Variants in CWF19L2 observed in about 807,000 individuals in gnomAD.
CWF19L2 encodes the protein CWF19 like cell cycle control factor 2, also known as CWF19-like protein 2.
In CWF19L2, 98 loss-of-function variants were observed where a neutral mutation model predicts 111.7. The observed-to-expected ratio is 0.88, with a 90% confidence interval of 0.75 to 1.04. The LOEUF is 1.04. Among genes scored for constraint, CWF19L2 ranks in the 50% least tolerant of loss-of-function variants. The pLI, the probability that CWF19L2 is intolerant of heterozygous loss-of-function variation, is 0.00. For synonymous variants in CWF19L2, 351 were observed against 342.9 expected (o/e 1.02, Z -0.26); for missense variants, 1,101 against 1,051.4 (o/e 1.05, Z -0.65).
chr11:107,369,201 A>G (rs1338987493), intron 12 of CWF19L2, among the ~76,000 whole-genome samples: 2 of 137,722 alleles, frequency 1.5e-5, no homozygotes, highest in African/African-American at 5.8e-5. Context: ...TGCTCTCTAT[A>G]AAGTCTGTTG....
chr11:107,332,397 G>A (rs1565240997), intron 16 of CWF19L2, among the ~76,000 whole-genome samples: 1 of 151,848 alleles, frequency 6.6e-6, no homozygotes, highest in Non-Finnish European at 1.5e-5. Context: ...ACATTACACT[G>A]AAAAGAAAGC....
chr11:107,422,931 G>T (rs959455668), intron 8 of CWF19L2, among the ~76,000 whole-genome samples: 5 of 152,054 alleles, frequency 3.3e-5, no homozygotes, highest in Admixed American at 2.6e-4. Context: ...ATACTCTGGT[G>T]TTTAAGAAAT....
chr11:107,412,149 T>C (rs950316300), intron 10 of CWF19L2, among the ~76,000 whole-genome samples: 1 of 152,158 alleles, frequency 6.6e-6, no homozygotes, highest in Non-Finnish European at 1.5e-5. Flanking sequence ...TTAGAACCTT[T>C]AATAAAAGTG....
chr11:107,360,964 T>G (rs1860321842), intron 12 of CWF19L2, among the ~76,000 whole-genome samples: 1 of 152,232 alleles, frequency 6.6e-6, no homozygotes, highest in Non-Finnish European at 1.5e-5. Flanking sequence ...TTTAATTAAC[T>G]GTCATTTGTC....
chr11:107,427,444 T>C (rs961595171), intron 8 of CWF19L2, among the ~76,000 whole-genome samples: 3 of 152,100 alleles, frequency 2.0e-5, no homozygotes, highest in Admixed American at 6.6e-5. Flanking sequence ...TACACAGCTT[T>C]TAGTGAGTGC....
chr11:107,404,058 G>T (rs1359111101), intron 10 of CWF19L2: 1 of 770,074 alleles, frequency 1.3e-6, no homozygotes, highest in Non-Finnish European at 2.4e-6. Flanking sequence ...ATAATCATCT[G>T]GATCTTCAGC....
intron 12 of CWF19L2, among the ~76,000 whole-genome samples, chr11:107,356,644 A>C (rs1322529897): frequency 1.3e-5 from 2 of 152,346 alleles, no homozygotes; most frequent in South Asian, 2.1e-4. Flanking sequence ...ACTGGTCACT[A>C]ATCATTTTCA....
chr11:107,442,886 A>AAGGAAGGT (rs2135422634), intron 4 of CWF19L2, 53 bp downstream of exon 4: 1 of 1,021,310 alleles, frequency 9.8e-7, no homozygotes, highest in African/African-American at 1.6e-5. Context: ...GGGAGGGAGG[A>AAGGAAGGT]AGGAAGGAAG....
At chr11:107,330,066 A>G in intron 16 of CWF19L2, 47 bp from the exon 17 acceptor site, 2 of 1,206,628 alleles carry the variant, frequency 1.7e-6, no homozygotes, top group Admixed American at 2.7e-5. Context: ...TGAAACCAGA[A>G]AGTTATGTTT....
intron 14 of CWF19L2, among the ~76,000 whole-genome samples, chr11:107,348,532 T>C (rs950105474): frequency 1.3e-5 from 2 of 152,110 alleles, no homozygotes; most frequent in African/African-American, 4.8e-5. Context: ...CACAGGAAAA[T>C]ACGGCAACCG....
chr11:107,329,710 G>T (rs752791226), intron 17 of CWF19L2, among the ~76,000 whole-genome samples: 4 of 152,114 alleles, frequency 2.6e-5, no homozygotes, highest in African/African-American at 9.7e-5. Context: ...GTCAAGAAAT[G>T]TTTGGTTCCA....
At chr11:107,432,434 T>G (rs1861477630) in intron 7 of CWF19L2, among the ~76,000 whole-genome samples, 1 of 151,936 alleles carries the variant, frequency 6.6e-6, no homozygotes, top group African/African-American at 2.4e-5. Context: ...AATACAAAAA[T>G]TAGCCAGGCG....
chr11:107,412,490 ACCACCAT>A (rs1489290795), intron 10 of CWF19L2, among the ~76,000 whole-genome samples: 1 of 152,050 alleles, frequency 6.6e-6, no homozygotes, highest in Non-Finnish European at 1.5e-5. Flanking sequence ...ACAGGTGCCC[ACCACCAT>A]GCCCAGCTAA....
At chr11:107,435,798 A>T (rs1054467693) in intron 6 of CWF19L2, among the ~76,000 whole-genome samples, 3 of 151,638 alleles carry the variant, frequency 2.0e-5, no homozygotes, top group Non-Finnish European at 1.5e-5. Flanking sequence ...AAAATTCAAT[A>T]AAAAAAAATT....
intron 12 of CWF19L2, among the ~76,000 whole-genome samples, chr11:107,355,684 G>A (rs1234429069): frequency 6.6e-6 from 1 of 151,946 alleles, no homozygotes; most frequent in Non-Finnish European, 1.5e-5. Flanking sequence ...ATTTTAAGAG[G>A]ACATAACAAT....
At chr11:107,447,865 C>T (rs1861722265) in intron 3 of CWF19L2, among the ~76,000 whole-genome samples, 1 of 151,820 alleles carries the variant, frequency 6.6e-6, no homozygotes, top group Non-Finnish European at 1.5e-5. Context: ...AATGAAACAG[C>T]AAACCAAGAC....
At position 107,336,612 on chromosome 11, in the gene CWF19L2, A is replaced by G. The variant is rs752660965; in HGVS notation, c.2304T>C (p.Tyr768=). 1.2e-6 allele frequency: 2 copies of G among 1,608,794 alleles called. No individual in the cohort carries two copies. The highest frequency in any genetic ancestry group is 2.2e-5 in the South Asian group (2 of 89,712). ...MSMKKQYHMV[Y]ECIPLPKEVG... ...CTTCCTTGGGAAGAGGAATACATTC[A>G]TAAACCATGTGATACTGTTTCTTCA... The change falls in exon 15 of 18, where the codon TAT becomes TAC. Residue 768 remains tyrosine, a synonymous_variant. Coordinates refer to ENST00000282251, the MANE Select transcript of CWF19L2 (RefSeq NM_152434.3).
chr11:107,454,767 TA>T (rs1306313576), intron 2 of CWF19L2, among the ~76,000 whole-genome samples, 195 bp from the exon 3 acceptor site: 1 of 152,216 alleles, frequency 6.6e-6, no homozygotes, highest in Non-Finnish European at 1.5e-5. Flanking sequence ...GCACTATCAA[TA>T]AATCATATAA....
At chr11:107,444,966 G>A (rs1406611443) in intron 3 of CWF19L2, among the ~76,000 whole-genome samples, 5 of 152,128 alleles carry the variant, frequency 3.3e-5, no homozygotes, top group Admixed American at 3.3e-4. Flanking sequence ...ATCAACCTGA[G>A]CCATTCCACA....
Sources: allele counts gnomAD v4.1 joint callset (sites outside exome capture counted in the v4.1 genomes callset), GRCh38; gene constraint gnomAD v4.1.1; transcripts MANE v1.5; gene names NCBI Gene and HGNC (gene_info 2026-07-23, HGNC 2026-07-21).